Variants in SEC63 observed in about 807,000 individuals in gnomAD.
The protein encoded by SEC63 is translocation protein SEC63 homolog.
In SEC63, 56 loss-of-function variants were observed where a neutral mutation model predicts 116.2. The observed-to-expected ratio is 0.48, with a 90% CI of 0.39 to 0.60. SEC63 has a LOEUF of 0.60. SEC63 is among the 20% of genes least tolerant of loss of function. The probability of loss-of-function intolerance (pLI) is 0.00; values close to 1 mark genes in which losing one functional copy is unlikely to be tolerated. For synonymous variants in SEC63, 273 were observed against 294.6 expected, an observed-to-expected ratio of 0.93 and a Z score of 0.75; for missense variants, 668 against 900.0, an observed-to-expected ratio of 0.74 and a Z score of 3.30.
intron 16 of SEC63, among the ~76,000 whole-genome samples, chr6:107,890,039 G>T (rs1759237361): frequency 6.6e-6 from 1 of 152,192 alleles, no homozygotes; most frequent in South Asian, 2.1e-4. Flanking sequence ...ATGTGGTGCT[G>T]AGAAGAATGT....
At chr6:107,924,077 A>T (rs1787616341) in intron 3 of SEC63, among the ~76,000 whole-genome samples, 3 of 151,616 alleles carry the variant, frequency 2.0e-5, no homozygotes, top group South Asian at 4.2e-4. Flanking sequence ...ATCCTGGCTA[A>T]CATGGTGAAA....
chr6:107,937,372 T>A (rs4594990), intron 1 of SEC63, among the ~76,000 whole-genome samples: 7 of 151,890 alleles, frequency 4.6e-5, no homozygotes, highest in East Asian at 1.9e-4. Context: ...GTGATCCACC[T>A]GCCTCGGCCT....
chr6:107,954,927 T>C (rs1367263332), intron 1 of SEC63, among the ~76,000 whole-genome samples: 1 of 152,254 alleles, frequency 6.6e-6, no homozygotes, highest in African/African-American at 2.4e-5. Flanking sequence ...ACCTTAATTT[T>C]CATAACACAA....
chr6:107,912,661 C>A (rs1787308339), intron 6 of SEC63, 55 bp downstream of exon 6: 2 of 1,053,496 alleles, frequency 1.9e-6, no homozygotes, highest in South Asian at 2.6e-5. Flanking sequence ...ACAGATTGTA[C>A]ATAACAAAAA....
chr6:107,877,039 T>C (rs1049999639), intron 18 of SEC63: 5 of 224,310 alleles, frequency 2.2e-5, no homozygotes, highest in Non-Finnish European at 3.5e-5. Flanking sequence ...AGCCACAAAG[T>C]TGGAGTGGAA....
rs1283905893 is a variant in SEC63, at chr6:107,869,570, A to C, written c.*2134T>G. ...TTTGTTATTCTCATTCCAGAGGAAAAACGAAGGGATGTGGAGTTTAGCGAC... is the reference window on the plus strand; with the variant it reads ...TTTGTTATTCTCATTCCAGAGGAAACACGAAGGGATGTGGAGTTTAGCGAC... On this transcript the variant is annotated 3_prime_UTR_variant, in exon 21 of 21. Coordinates refer to ENST00000369002, the MANE Select transcript of SEC63 (RefSeq NM_007214.5). 6.6e-6 allele frequency: 1 copy of C among 152,200 alleles called. No individual in the cohort carries two copies. The highest frequency in any genetic ancestry group is 1.5e-5 in the Non-Finnish European group (1 of 68,032). The allele number at this position is 152,200 out of a possible 1,614,324, so 9.4% of individuals were successfully genotyped here. A position where few individuals can be genotyped will look rare whatever the true frequency, so the allele number is the denominator to read the frequency against.
rs200406751 is a variant in SEC63, at chr6:107,876,554, T to C, written c.2034+10A>G. The C allele has an allele frequency of 3.0e-4, 448 of 1,516,538 alleles. No individual in the cohort carries two copies. Among genetic ancestry groups the C allele is most frequent in the Middle Eastern group, 9.3e-4 (4 of 4,320 alleles). 93.9% of individuals were successfully genotyped at this position (1,516,538 alleles called of 1,614,324 possible). On this transcript the variant is annotated intron_variant, in intron 19 of 20. Transcript: ENST00000369002. The stretch of plus-strand genomic sequence containing the variant: ...TGTTAAACACTGAAATCATGTTGCT[T>C]GATAGTTACCTCCTCTGTATCTTTC...
chr6:107,902,839 A>C lies in SEC63; in HGVS notation c.1209+5T>G, dbSNP rs777862702. 2 of 1,613,488 alleles carry C rather than the reference A, an allele frequency of 1.2e-6. No homozygotes were observed. The highest frequency in any genetic ancestry group is 1.7e-6 in the Non-Finnish European group (2 of 1,179,630). On this transcript the variant is annotated splice_donor_5th_base_variant and intron_variant, in intron 12 of 20. Transcript: ENST00000369002. ...AAAACTGACTTTAAAGTAGCAAAGA[A>C]TTACCTTCTTATGATTAGAAACCCG...
intron 17 of SEC63, among the ~76,000 whole-genome samples, chr6:107,881,489 G>A (rs1360574153): frequency 6.6e-6 from 1 of 151,762 alleles, no homozygotes; most frequent in Non-Finnish European, 1.5e-5. Context: ...GCCTCTCTTT[G>A]GTCTCCTGTC....
At chr6:107,918,200 CAGCATGGATTACTG>C (rs1211481171) in intron 4 of SEC63, among the ~76,000 whole-genome samples, 2 of 150,942 alleles carry the variant, frequency 1.3e-5, no homozygotes, top group Non-Finnish European at 2.9e-5. Context: ...CATGTGTTGA[CAGCATGGATTACTG>C]AATATTTTAG....
chr6:107,876,696 G>T (rs556694282), intron 18 of SEC63, 34 bp from the exon 19 acceptor site: 5 of 1,043,350 alleles, frequency 4.8e-6, no homozygotes, highest in Non-Finnish European at 7.3e-6. Context: ...AAAAGAAGAG[G>T]GGTATAAATA....
rs1554237207 is a variant in SEC63 at position 107,921,910 on chromosome 6, C to CTGG, written c.340-4_340-2dup. On this transcript the variant is annotated splice_acceptor_variant, in intron 3 of 20. Coordinates refer to ENST00000369002, the MANE Select transcript of SEC63 (RefSeq NM_007214.5). LOFTEE classifies it high-confidence loss of function. ...TTTTAATTTCTGCTACTGTGGCTCC[C>CTGG]TGGGGAAAAACAAAAAAAAAAAACA... 5.4e-6 allele frequency: 7 copies of CTGG among 1,302,322 alleles called. No homozygotes were observed. The African/African-American group carries it at 9.1e-5, about 17-fold the overall frequency. The allele number at this position is 1,302,322 out of a possible 1,614,324, so 80.7% of individuals were successfully genotyped here. A position where few individuals can be genotyped will look rare whatever the true frequency, so the allele number is the denominator to read the frequency against.
chr6:107,876,414 C>A, intron 19 of SEC63, 150 bp downstream of exon 19: 1 of 612,122 alleles, frequency 1.6e-6, no homozygotes, highest in Non-Finnish European at 2.9e-6. Flanking sequence ...TGAGCTCACC[C>A]CAAAATAGAG....
intron 14 of SEC63, 49 bp downstream of exon 14, chr6:107,897,600 G>T: frequency 8.0e-7 from 1 of 1,244,830 alleles, no homozygotes. Context: ...AAATATAAAA[G>T]CCTTGACACA....
At position 107,869,816 on chromosome 6, in the gene SEC63, T is replaced by C. The variant is rs1786088177; in HGVS notation, c.*1888A>G. ...TTTTAAGCACTGTGGTGTTACTAGG[T>C]TATCATCCTCTCCAGAATCTTAAAA... On this transcript the variant is annotated 3_prime_UTR_variant, in exon 21 of 21. Coordinates refer to ENST00000369002, the MANE Select transcript of SEC63 (RefSeq NM_007214.5). 6.6e-6 allele frequency: 1 copy of C among 150,734 alleles called. No homozygotes were observed. The highest frequency in any genetic ancestry group is 1.5e-5 in the Non-Finnish European group (1 of 67,766). 9.3% of individuals were successfully genotyped at this position (150,734 alleles called of 1,614,324 possible). A position where few individuals can be genotyped will look rare whatever the true frequency, so the allele number is the denominator to read the frequency against.
intron 19 of SEC63, among the ~76,000 whole-genome samples, chr6:107,875,140 A>C (rs1411597589): frequency 2.0e-5 from 3 of 152,116 alleles, no homozygotes; most frequent in African/African-American, 7.2e-5. Context: ...CTGGAATTAC[A>C]GGTGTAAGCC....
chr6:107,940,792 T>TAAAAAAAA (rs35107353), intron 1 of SEC63, among the ~76,000 whole-genome samples: 1 of 142,324 alleles, frequency 7.0e-6, no homozygotes, highest in African/African-American at 2.6e-5. Flanking sequence ...AAAGTATTCT[T>TAAAAAAAA]AAAAAAAAAA....
intron 1 of SEC63, among the ~76,000 whole-genome samples, chr6:107,955,605 G>T (rs931722988): frequency 6.6e-6 from 1 of 152,118 alleles, no homozygotes; most frequent in Non-Finnish European, 1.5e-5. Flanking sequence ...TGACTTGTTG[G>T]CAGGGCGTGG....
intron 13 of SEC63, among the ~76,000 whole-genome samples, chr6:107,899,721 A>C (rs2114437836): frequency 6.6e-6 from 1 of 152,242 alleles, no homozygotes; most frequent in South Asian, 2.1e-4. Context: ...TGTCTCAAAA[A>C]AAAAAAGAAA....
Sources: allele counts gnomAD v4.1 joint callset (sites outside exome capture counted in the v4.1 genomes callset), GRCh38; gene constraint gnomAD v4.1.1; transcripts MANE v1.5; gene names NCBI Gene and HGNC (gene_info 2026-07-23, HGNC 2026-07-21).